The following FAM83B variants were observed in gnomAD, a reference collection of about 807,000 sequenced individuals.
The protein encoded by FAM83B is protein FAM83B.
In FAM83B, 26 loss-of-function variants were observed where a neutral mutation model predicts 38.8. The observed-to-expected ratio is 0.67, with a 90% CI of 0.49 to 0.93. FAM83B has a LOEUF of 0.93. FAM83B is among the 40% of genes least tolerant of loss of function. The pLI is 0.00. For synonymous variants in FAM83B, 419 were observed against 423.1 expected, an observed-to-expected ratio of 0.99 and a Z score of 0.12; for missense variants, 1,237 against 1,197.3, an observed-to-expected ratio of 1.03 and a Z score of -0.49.
At chr6:54,884,150 A>C (rs528955923) in intron 2 of FAM83B, among the ~76,000 whole-genome samples, 1 of 152,070 alleles carries the variant, frequency 6.6e-6, no homozygotes, top group East Asian at 1.9e-4. Context: ...AAAAATACAA[A>C]AATTAGTTGG....
chr6:54,912,432 A>C (rs1772931513), intron 2 of FAM83B, among the ~76,000 whole-genome samples: 1 of 150,736 alleles, frequency 6.6e-6, no homozygotes, highest in Non-Finnish European at 1.5e-5. Context: ...AAAAAAAAAA[A>C]CAACAAAAAA....
chr6:54,900,684 C>T (rs1454389976), intron 2 of FAM83B, among the ~76,000 whole-genome samples: 2 of 152,154 alleles, frequency 1.3e-5, no homozygotes, highest in African/African-American at 2.4e-5. Context: ...ATATGTAACA[C>T]ATATGCACAG....
intron 1 of FAM83B, among the ~76,000 whole-genome samples, chr6:54,850,402 T>C (rs80045352): frequency 0.03 from 4,636 of 152,294 alleles, 242 homozygotes; most frequent in African/African-American, 0.11. Flanking sequence ...AAAATAATGT[T>C]AACTAAGGTT....
intron 1 of FAM83B, among the ~76,000 whole-genome samples, chr6:54,850,039 C>T (rs370483763): frequency 6.6e-6 from 1 of 152,170 alleles, no homozygotes; most frequent in South Asian, 2.1e-4. Flanking sequence ...ATATGTTCCT[C>T]TCCAGGGGTA....
chr6:54,900,869 C>A (rs768732177), intron 2 of FAM83B, among the ~76,000 whole-genome samples: 23 of 152,292 alleles, frequency 1.5e-4, no homozygotes, highest in Non-Finnish European at 3.1e-4. Flanking sequence ...GGCATAGAAC[C>A]ACAAGCACTG....
At chr6:54,902,299 C>T (rs926912371) in intron 2 of FAM83B, among the ~76,000 whole-genome samples, 4 of 152,140 alleles carry the variant, frequency 2.6e-5, no homozygotes, top group African/African-American at 9.7e-5. Flanking sequence ...AGCAATCCTC[C>T]CTCCTCAGCC....
intron 2 of FAM83B, among the ~76,000 whole-genome samples, chr6:54,919,630 A>C (rs554154654): frequency 6.6e-6 from 1 of 152,144 alleles, no homozygotes; most frequent in South Asian, 2.1e-4. Context: ...TAGGATTATA[A>C]GTTTCAGGTC....
At chr6:54,925,634 A>C (rs148116178) in intron 2 of FAM83B, among the ~76,000 whole-genome samples, 6 of 152,098 alleles carry the variant, frequency 3.9e-5, no homozygotes. Context: ...CTTAAACAAC[A>C]TGGGTGTGAA....
chr6:54,915,563 T>C lies in FAM83B; in HGVS notation c.445-10808T>C, dbSNP rs1294440349. Among the ~76,000 whole-genome samples, 2 of 91,190 alleles carry C rather than the reference T, an allele frequency of 2.2e-5. 1 individual carries two copies. Among genetic ancestry groups the C allele is most frequent in the Non-Finnish European group, 4.3e-5 (2 of 46,944 alleles). 59.8% of individuals were successfully genotyped at this position (91,190 alleles called of 152,430 possible). On this transcript the variant is annotated intron_variant, in intron 2 of 4. Transcript: ENST00000306858. ...GGCTCACGCCTGTAATCCCAGCACT[T>C]TGGGAGGCCGAGGCGGGTGGATCAT...
chr6:54,864,262 C>G (rs1413818673), intron 1 of FAM83B, among the ~76,000 whole-genome samples: 4 of 152,112 alleles, frequency 2.6e-5, no homozygotes, highest in African/African-American at 9.7e-5. Flanking sequence ...AGTGATATTG[C>G]TATCCCCTCC....
chr6:54,938,138 G>A (rs974879691), intron 4 of FAM83B, among the ~76,000 whole-genome samples: 1 of 152,026 alleles, frequency 6.6e-6, no homozygotes, highest in Non-Finnish European at 1.5e-5. Flanking sequence ...TTCCATTCCT[G>A]AGTTACTTCA....
intron 2 of FAM83B, among the ~76,000 whole-genome samples, chr6:54,905,323 G>A (rs1031736187): frequency 2.6e-5 from 4 of 152,150 alleles, no homozygotes; most frequent in African/African-American, 7.2e-5. Flanking sequence ...CTCTCAGTAC[G>A]TGTGCGATTG....
intron 2 of FAM83B, among the ~76,000 whole-genome samples, chr6:54,904,779 C>A (rs1772739204): frequency 6.6e-6 from 1 of 152,088 alleles, no homozygotes; most frequent in Non-Finnish European, 1.5e-5. Flanking sequence ...TGAATGCAAG[C>A]CAAACTTGGC....
intron 2 of FAM83B, among the ~76,000 whole-genome samples, chr6:54,924,101 G>T (rs1773230757): frequency 6.6e-6 from 1 of 151,580 alleles, no homozygotes; most frequent in African/African-American, 2.4e-5. Context: ...TTCTGTGTCT[G>T]CCTTATTTCA....
chr6:54,889,307 G>A (rs934047545), intron 2 of FAM83B, among the ~76,000 whole-genome samples: 2 of 151,960 alleles, frequency 1.3e-5, no homozygotes. Flanking sequence ...CCTGCATTTT[G>A]TTTTTTCTTC....
intron 2 of FAM83B, among the ~76,000 whole-genome samples, chr6:54,883,098 C>A (rs540259739): frequency 6.6e-6 from 1 of 151,776 alleles, no homozygotes; most frequent in Non-Finnish European, 1.5e-5. Context: ...CCACCACGCC[C>A]GGCTAATTTT....
At chr6:54,882,862 C>T (rs2127578234) in intron 2 of FAM83B, among the ~76,000 whole-genome samples, 1 of 152,288 alleles carries the variant, frequency 6.6e-6, no homozygotes, top group Middle Eastern at 3.4e-3. Context: ...TTAAATTATA[C>T]TTGTTTGGGA....
intron 1 of FAM83B, among the ~76,000 whole-genome samples, chr6:54,858,866 A>G (rs979117171): frequency 1.3e-5 from 2 of 152,188 alleles, no homozygotes; most frequent in African/African-American, 4.8e-5. Flanking sequence ...TGTTTTTGAT[A>G]TAGATCTATC....
In FAM83B at chr6:54,940,473, T is replaced by G; in HGVS notation, c.1502T>G (p.Leu501Ter). ...CGTAACTGGAGAATTGAATCCTACTTAAATGATCATTCAGAAGCTACACCG... is the reference window on the plus strand; with the variant it reads ...CGTAACTGGAGAATTGAATCCTACTGAAATGATCATTCAGAAGCTACACCG... Reference protein sequence around the residue: ...FLRNWRIESYLNDHSEATPDS... With the variant: ...FLRNWRIESY Residue 501 changes from leucine (L) to a stop codon, truncating the protein, a stop_gained, in exon 5 of 5, where the codon TTA (leucine) becomes TGA (stop). Transcript: ENST00000306858. LOFTEE classifies it low-confidence loss of function (END_TRUNC). The G allele has an allele frequency of 6.2e-7, 1 of 1,613,998 alleles. No individual in the cohort carries two copies. Among genetic ancestry groups the G allele is most frequent in the Non-Finnish European group, 8.5e-7 (1 of 1,179,956 alleles).
Sources: gnomAD v4.1 joint callset for allele counts (sites outside exome capture counted in the v4.1 genomes callset) on GRCh38, gnomAD v4.1.1 for gene constraint, MANE v1.5 for transcripts, NCBI Gene and HGNC (gene_info 2026-07-23, HGNC 2026-07-21) for gene names.